CFAP206: variants seen among roughly 807,000 people sequenced by gnomAD.
CFAP206 encodes cilia- and flagella-associated protein 206.
CFAP206 carries 53 observed loss-of-function variants against 65.4 expected under a neutral mutation model. The ratio of observed to expected loss-of-function variants is 0.81; its 90% CI spans 0.65 to 1.02. The LOEUF is 1.02. Ranked by LOEUF, CFAP206 falls within the 50% of genes least tolerant of loss-of-function variation. The pLI is 0.00. For synonymous variants in CFAP206, 250 were observed against 254.4 expected, an observed-to-expected ratio of 0.98 and a Z score of 0.17; for missense variants, 663 against 753.2, an observed-to-expected ratio of 0.88 and a Z score of 1.40.
chr6:87,444,570 T>C, intron 11 of CFAP206: 1 of 320,982 alleles, frequency 3.1e-6, no homozygotes, highest in Non-Finnish European at 6.0e-6. Context: ...GTCATTGAGT[T>C]CAGGCATTCC....
Position 87,431,541 on chromosome 6 carries a change from G to A in CFAP206, c.1300+368G>A, listed in dbSNP as rs1007212032. 3.3e-5 allele frequency among the ~76,000 whole-genome samples: 5 copies of A among 152,302 alleles called. No homozygotes were observed. In the East Asian group the frequency reaches 9.6e-4, roughly 29 times the overall value. On this transcript the variant is annotated intron_variant, in intron 10 of 12. Transcript: ENST00000369562. ...AGCACTTTGGGAGGTCAGGGCGGGT[G>A]GATCACTTGAGGTCAGGAGTTGGAG...
chr6:87,415,758 A>G lies in CFAP206; in HGVS notation c.356A>G (p.Asn119Ser), dbSNP rs1473786399. The G allele has an allele frequency of 4.3e-6, 7 of 1,613,598 alleles. 1 individual carries two copies. Among genetic ancestry groups the G allele is most frequent in the South Asian group, 3.3e-5 (3 of 90,954 alleles). The change falls in exon 5 of 13, where the codon AAC becomes AGC. Residue 119 changes from asparagine (N) to serine (S), a missense_variant. Physicochemically the swap from Asn to Ser is conservative, Grantham distance 46. Transcript: ENST00000369562. Reference protein sequence around the residue: ...LGSVTREITDNRACAKEELES... With the variant: ...LGSVTREITDSRACAKEELES... Reference sequence around the variant, plus strand: ...TCTGTTACCCGAGAAATTACAGATAACAGAGCATGTGCTAAAGAAGAATTG... The same window carrying G: ...TCTGTTACCCGAGAAATTACAGATAGCAGAGCATGTGCTAAAGAAGAATTG...
At chr6:87,420,686 A>G (rs1767925494) in intron 7 of CFAP206, among the ~76,000 whole-genome samples, 1 of 152,216 alleles carries the variant, frequency 6.6e-6, no homozygotes, top group Non-Finnish European at 1.5e-5. Context: ...CATCATCATC[A>G]TTGTTAGGGC....
chr6:87,434,560 C>T (rs1422568738), intron 10 of CFAP206, among the ~76,000 whole-genome samples: 8 of 149,730 alleles, frequency 5.3e-5, no homozygotes, highest in Non-Finnish European at 8.9e-5. Context: ...TGCAATGGCA[C>T]GATCTCAGCT....
At chr6:87,409,263 G>A (rs1260096916) in intron 1 of CFAP206, among the ~76,000 whole-genome samples, 1 of 137,872 alleles carries the variant, frequency 7.3e-6, no homozygotes, top group South Asian at 2.2e-4. Context: ...TTTCGCTCTT[G>A]TTGCCCAGGC....
intron 11 of CFAP206, chr6:87,441,977 TGTCA>T (rs1768365147): frequency 4.0e-6 from 1 of 247,638 alleles, no homozygotes; most frequent in Non-Finnish European, 8.4e-6. Flanking sequence ...GCTTCCTGAT[TGTCA>T]GTTTTTGTCA....
At chr6:87,430,614 A>T (rs942374203) in intron 9 of CFAP206, among the ~76,000 whole-genome samples, 19 of 152,310 alleles carry the variant, frequency 1.2e-4, no homozygotes, top group African/African-American at 4.6e-4. Context: ...TGAGGTCAAT[A>T]TATCTCTTTC....
intron 11 of CFAP206, among the ~76,000 whole-genome samples, chr6:87,437,075 A>G (rs1029900440): frequency 2.0e-5 from 3 of 152,066 alleles, no homozygotes; most frequent in South Asian, 2.1e-4. Flanking sequence ...GGTTCAAGCA[A>G]TTCTCTGCCT....
chr6:87,426,511 A>G lies in CFAP206; in HGVS notation c.841-15A>G. The stretch of plus-strand genomic sequence containing the variant: ...AATTATAAAAATATTAATGCAAATT[A>G]TGTTGTTTTCACAGTCAGATATAAT... On this transcript the variant is annotated splice_polypyrimidine_tract_variant and intron_variant, in intron 7 of 12. Transcript: ENST00000369562. The G allele has an allele frequency of 6.5e-7, 1 of 1,548,884 alleles. No homozygotes were observed. The highest frequency in any genetic ancestry group is 8.7e-7 in the Non-Finnish European group (1 of 1,146,514).
chr6:87,455,517 T>C (rs911662273), intron 11 of CFAP206, among the ~76,000 whole-genome samples: 4 of 151,556 alleles, frequency 2.6e-5, no homozygotes, highest in Non-Finnish European at 5.9e-5. Flanking sequence ...CAGAAATAAA[T>C]GAAATTGAAA....
chr6:87,422,320 C>T lies in CFAP206; in HGVS notation c.840+3904C>T, dbSNP rs1042311493. ...AAAAAATTAGCCAGGCATGGTGGTG[C>T]GAGCCTGTAATCCCAGCTACTCGAG... On this transcript the variant is annotated intron_variant, in intron 7 of 12. Transcript: ENST00000369562. Among the ~76,000 whole-genome samples the T allele has an allele frequency of 6.0e-5, 9 of 151,188 alleles. No individual in the cohort carries two copies. The South Asian group carries it at 8.4e-4, about 14-fold the overall frequency.
intron 4 of CFAP206, 187 bp from the exon 5 acceptor site, chr6:87,415,499 T>C: frequency 6.0e-6 from 4 of 668,338 alleles, no homozygotes; most frequent in Non-Finnish European, 1.1e-5. Flanking sequence ...GTAATAAATC[T>C]TCCCTCCTGG....
intron 7 of CFAP206, among the ~76,000 whole-genome samples, chr6:87,422,894 TGCAACTACAG>T (rs1475519506): frequency 5.9e-5 from 9 of 152,310 alleles, no homozygotes; most frequent in Non-Finnish European, 1.0e-4. Context: ...GAATGGATCC[TGCAACTACAG>T]CTTGGGGGAG....
chr6:87,416,966 C>T, intron 6 of CFAP206, 139 bp downstream of exon 6: 1 of 737,690 alleles, frequency 1.4e-6, no homozygotes, highest in Non-Finnish European at 2.2e-6. Flanking sequence ...TTAAGAATAA[C>T]TACTGTTTAT....
intron 8 of CFAP206, 43 bp downstream of exon 8, chr6:87,426,688 T>C: frequency 6.8e-7 from 1 of 1,477,042 alleles, no homozygotes; most frequent in Non-Finnish European, 9.0e-7. Flanking sequence ...TGAATTTCCT[T>C]TTGAGCCCTA....
chr6:87,429,039 G>A (rs1395282343), intron 9 of CFAP206, among the ~76,000 whole-genome samples: 4 of 151,482 alleles, frequency 2.6e-5, no homozygotes, highest in South Asian at 2.1e-4. Context: ...CCAGGAGTTC[G>A]ACATGGCAAA....
intron 1 of CFAP206, 133 bp downstream of exon 1, chr6:87,408,222 G>T: frequency 4.0e-6 from 1 of 252,972 alleles, no homozygotes; most frequent in Non-Finnish European, 6.2e-6. Context: ...TCTCAGTCTC[G>T]ATCCTTTAGG....
chr6:87,426,657 T>A lies in CFAP206; in HGVS notation c.960+12T>A. ...CATCACAAGTCTTTGTAAGTATTTGTCATAAACTTTGACCTTAAGGTGAAT... is the reference window on the plus strand; with the variant it reads ...CATCACAAGTCTTTGTAAGTATTTGACATAAACTTTGACCTTAAGGTGAAT... On this transcript the variant is annotated intron_variant, in intron 8 of 12. Coordinates refer to ENST00000369562, the MANE Select transcript of CFAP206 (RefSeq NM_001031743.3). The A allele has an allele frequency of 6.4e-7, 1 of 1,557,148 alleles. No individual in the cohort carries two copies. Among genetic ancestry groups the A allele is most frequent in the Non-Finnish European group, 8.7e-7 (1 of 1,154,982 alleles).
chr6:87,408,507 CG>C (rs1767668706), intron 1 of CFAP206: 1 of 100,916 alleles, frequency 9.9e-6, no homozygotes, highest in Non-Finnish European at 2.2e-5. Flanking sequence ...CACACAGATC[CG>C]GAGCGCGCAC....
Sources: gnomAD v4.1 joint callset for allele counts (sites outside exome capture counted in the v4.1 genomes callset) on GRCh38, gnomAD v4.1.1 for gene constraint, MANE v1.5 for transcripts, NCBI Gene and HGNC (gene_info 2026-07-23, HGNC 2026-07-21) for gene names.